PDE11A: variants seen among roughly 807,000 people sequenced by gnomAD.
The protein encoded by PDE11A is phosphodiesterase 11A, also known as dual 3',5'-cyclic-AMP and -GMP phosphodiesterase 11A.
PDE11A carries 100 observed loss-of-function variants against 100.5 expected under a neutral mutation model. That is an observed-to-expected ratio of 1.00 (90% CI 0.85 to 1.18). The LOEUF is 1.18. Ranked by LOEUF, PDE11A falls within the 50% of genes most tolerant of loss-of-function variation. The probability of loss-of-function intolerance (pLI) is 0.00; values close to 1 mark genes in which losing one functional copy is unlikely to be tolerated. For missense variants in PDE11A, 1,141 were observed against 1,152.6 expected (o/e 0.99, Z 0.15); for synonymous variants, 381 against 420.8 (o/e 0.91, Z 1.16).
chr2:178,044,850 A>G (rs1169543053), intron 1 of PDE11A, among the ~76,000 whole-genome samples: 1 of 152,110 alleles, frequency 6.6e-6, no homozygotes, highest in African/African-American at 2.4e-5. Flanking sequence ...CTGTCCCTAG[A>G]TGTTTTTTTG....
At chr2:177,633,598 A>G (rs2079989530) in intron 19 of PDE11A, among the ~76,000 whole-genome samples, 1 of 152,224 alleles carries the variant, frequency 6.6e-6, no homozygotes, top group Non-Finnish European at 1.5e-5. Flanking sequence ...ATATGATAAT[A>G]AAACAAAGCA....
intron 2 of PDE11A, among the ~76,000 whole-genome samples, chr2:177,969,283 G>C (rs1224764150): frequency 6.6e-6 from 1 of 152,138 alleles, no homozygotes. Flanking sequence ...GGAGGCAAGG[G>C]GAGGGATAGC....
At chr2:177,661,639 G>A (rs75123253) in intron 19 of PDE11A, among the ~76,000 whole-genome samples, 4,465 of 152,258 alleles carry the variant, frequency 0.029, 122 homozygotes, top group South Asian at 0.067. Context: ...TGGTTTCAAA[G>A]CCTTGTATAA....
At position 177,714,113 on chromosome 2, in the gene PDE11A, C is replaced by T. The variant is rs555550841; in HGVS notation, c.2044-2235G>A. On this transcript the variant is annotated intron_variant, in intron 12 of 19. Coordinates refer to ENST00000286063, the MANE Select transcript of PDE11A (RefSeq NM_016953.4). ...GGTTCATGCCATTCTCCTGCCTCAG[C>T]CTCCTGAGTAGCTGGGACTACAGGT... 3.9e-4 allele frequency among the ~76,000 whole-genome samples: 58 copies of T among 150,148 alleles called. No homozygotes were observed. In the South Asian group the frequency reaches 5.9e-3, roughly 15 times the overall value.
At chr2:177,926,099 A>G (rs2085121319) in intron 2 of PDE11A, among the ~76,000 whole-genome samples, 1 of 152,178 alleles carries the variant, frequency 6.6e-6, no homozygotes, top group South Asian at 2.1e-4. Flanking sequence ...CAAATAAACA[A>G]TTCCTGTCAT....
intron 2 of PDE11A, among the ~76,000 whole-genome samples, chr2:177,924,416 C>G (rs1269927925): frequency 6.6e-6 from 1 of 152,130 alleles, no homozygotes; most frequent in Non-Finnish European, 1.5e-5. Context: ...TTACGAATAT[C>G]TCTGGCAGAC....
intron 1 of PDE11A, among the ~76,000 whole-genome samples, chr2:178,035,724 T>C (rs1054274445): frequency 6.6e-6 from 1 of 152,162 alleles, no homozygotes; most frequent in Non-Finnish European, 1.5e-5. Flanking sequence ...TGGTTCAACA[T>C]ACACAAATCA....
intron 2 of PDE11A, among the ~76,000 whole-genome samples, chr2:177,947,985 T>C (rs1010363281): frequency 1.3e-5 from 2 of 151,810 alleles, no homozygotes; most frequent in Non-Finnish European, 2.9e-5. Flanking sequence ...TATATGTATA[T>C]AGATCATGAT....
intron 1 of PDE11A, among the ~76,000 whole-genome samples, chr2:178,064,325 G>A (rs940734410): frequency 2.6e-5 from 4 of 152,174 alleles, no homozygotes; most frequent in East Asian, 1.9e-4. Context: ...TCACCTCTTC[G>A]CTGTAGGTGT....
chr2:177,751,259 T>C (rs2082021824), intron 10 of PDE11A, among the ~76,000 whole-genome samples: 1 of 152,160 alleles, frequency 6.6e-6, no homozygotes, highest in Non-Finnish European at 1.5e-5. Context: ...ATGGACTTAC[T>C]TCCTATCACA....
intron 2 of PDE11A, among the ~76,000 whole-genome samples, chr2:178,087,836 G>GA (rs2087377849): frequency 6.6e-6 from 1 of 152,166 alleles, no homozygotes; most frequent in Non-Finnish European, 1.5e-5. Flanking sequence ...GAAGGATATG[G>GA]AGGAGAAGGG....
chr2:177,672,869 G>T (rs1318169709), intron 17 of PDE11A, among the ~76,000 whole-genome samples: 2 of 152,152 alleles, frequency 1.3e-5, no homozygotes, highest in South Asian at 4.1e-4. Context: ...TTAGGACTCA[G>T]CTTTGTAACA....
At chr2:177,996,436 C>G (rs79388043) in intron 2 of PDE11A, among the ~76,000 whole-genome samples, 232 of 149,878 alleles carry the variant, frequency 1.5e-3, no homozygotes, top group African/African-American at 5.5e-3. Context: ...TGATTTATGT[C>G]GTGTAGTCAA....
intron 4 of PDE11A, among the ~76,000 whole-genome samples, chr2:177,880,926 G>C (rs2084322416): frequency 6.6e-6 from 1 of 152,162 alleles, no homozygotes; most frequent in Non-Finnish European, 1.5e-5. Context: ...TGGTTAATTG[G>C]TATGTGTCAA....
At chr2:177,753,208 G>A (rs999219405) in intron 10 of PDE11A, among the ~76,000 whole-genome samples, 1 of 152,196 alleles carries the variant, frequency 6.6e-6, no homozygotes, top group African/African-American at 2.4e-5. Context: ...CATGTAGCCT[G>A]AAGTGCTGAG....
intron 19 of PDE11A, among the ~76,000 whole-genome samples, chr2:177,659,859 G>A (rs2080449121): frequency 6.6e-6 from 1 of 152,070 alleles, no homozygotes; most frequent in Admixed American, 6.5e-5. Flanking sequence ...AGCAGAAAGT[G>A]CAGGAATCAG....
intron 10 of PDE11A, among the ~76,000 whole-genome samples, chr2:177,759,167 G>A (rs2082136272): frequency 7.3e-6 from 1 of 136,908 alleles, no homozygotes; most frequent in African/African-American, 2.9e-5. Flanking sequence ...TTAAGTTGGA[G>A]CACGTGCACA....
Position 177,725,775 on chromosome 2 carries a change from C to T in PDE11A, c.2043+1883G>A, listed in dbSNP as rs982384584. On this transcript the variant is annotated intron_variant, in intron 12 of 19. Coordinates refer to ENST00000286063, the MANE Select transcript of PDE11A (RefSeq NM_016953.4). ...ACTGGATATATATTTCCTTTTGCTC[C>T]TAAGTGTCCACTGTGACCCTGCTGC... Among the ~76,000 whole-genome samples the T allele has an allele frequency of 2.0e-5, 3 of 152,102 alleles. No individual in the cohort carries two copies. The South Asian group carries it at 6.2e-4, about 31-fold the overall frequency.
chr2:177,997,685 C>T, intron 2 of PDE11A: 1 of 1,553,924 alleles, frequency 6.4e-7, no homozygotes, highest in Non-Finnish European at 8.9e-7. Flanking sequence ...TTCAGTTTGG[C>T]TGTTAAGAAA....
Sources: gnomAD v4.1 joint callset for allele counts (sites outside exome capture counted in the v4.1 genomes callset) on GRCh38, gnomAD v4.1.1 for gene constraint, MANE v1.5 for transcripts, NCBI Gene and HGNC (gene_info 2026-07-23, HGNC 2026-07-21) for gene names.